The following CLIP4 variants were observed in gnomAD, a reference collection of about 807,000 sequenced individuals.
The protein encoded by CLIP4 is CAP-Gly domain-containing linker protein 4.
CLIP4 carries 47 observed loss-of-function variants against 73.1 expected under a neutral mutation model. That is an observed-to-expected ratio of 0.64 (90% CI 0.51 to 0.82). CLIP4 has a LOEUF of 0.82. Among genes scored for constraint, CLIP4 ranks in the 40% least tolerant of loss-of-function variants. The pLI, the probability that CLIP4 is intolerant of heterozygous loss-of-function variation, is 0.00. For synonymous variants in CLIP4, 306 were observed against 295.4 expected, an observed-to-expected ratio of 1.04 and a Z score of -0.37; for missense variants, 874 against 852.9, an observed-to-expected ratio of 1.02 and a Z score of -0.31.
At chr2:29,136,023 T>C (rs182540434) in intron 6 of CLIP4, among the ~76,000 whole-genome samples, 1 of 152,310 alleles carries the variant, frequency 6.6e-6, no homozygotes, top group Admixed American at 6.5e-5. Flanking sequence ...TTCTAAACTT[T>C]TTTGGAAATT....
chr2:29,116,022 C>A (rs1270293287), intron 1 of CLIP4, among the ~76,000 whole-genome samples: 1 of 152,210 alleles, frequency 6.6e-6, no homozygotes, highest in Non-Finnish European at 1.5e-5. Flanking sequence ...AGTCCCCGCA[C>A]GCGCAGTGGC....
intron 1 of CLIP4, among the ~76,000 whole-genome samples, chr2:29,100,692 A>G (rs1307770528): frequency 1.3e-5 from 2 of 151,716 alleles, no homozygotes; most frequent in African/African-American, 4.8e-5. Flanking sequence ...TGAGGTAGGA[A>G]TGGGATAAGT....
At chr2:29,179,817 T>A (rs1343375091) in intron 15 of CLIP4, among the ~76,000 whole-genome samples, 2 of 152,248 alleles carry the variant, frequency 1.3e-5, no homozygotes, top group Non-Finnish European at 2.9e-5. Context: ...TTATAGGTAT[T>A]ACATGTTTCT....
upstream of CLIP4, among the ~76,000 whole-genome samples, chr2:29,112,584 G>T (rs1027869113): frequency 6.6e-5 from 10 of 152,250 alleles, no homozygotes; most frequent in South Asian, 6.2e-4. Context: ...TTTAGAAACT[G>T]ATCTTGTACT....
chr2:29,136,768 A>G (rs1045265390), intron 6 of CLIP4, among the ~76,000 whole-genome samples: 3 of 152,102 alleles, frequency 2.0e-5, no homozygotes, highest in African/African-American at 7.2e-5. Flanking sequence ...GGAGATGATC[A>G]TTCAGTCCAG....
chr2:29,134,303 G>C (rs1228970891), intron 5 of CLIP4, among the ~76,000 whole-genome samples: 1 of 152,108 alleles, frequency 6.6e-6, no homozygotes, highest in Admixed American at 6.6e-5. Context: ...GAATGTCTAA[G>C]TCACAGTCCT....
At chr2:29,107,368 T>TTTTTTTTTTTTTTTTTTTTTTTG (rs1668248502) in intron 1 of CLIP4, among the ~76,000 whole-genome samples, 1 of 76,582 alleles carries the variant, frequency 1.3e-5, no homozygotes, top group African/African-American at 5.5e-5. Flanking sequence ...GTTTTTTTTT[T>TTTTTTTTTTTTTTTTTTTTTTTG]TTTTTTTTTT....
chr2:29,125,268 A>G (rs1429895050), intron 2 of CLIP4, among the ~76,000 whole-genome samples: 1 of 152,196 alleles, frequency 6.6e-6, no homozygotes, highest in African/African-American at 2.4e-5. Context: ...TGTGTGAATT[A>G]TGAGGATTCT....
At chr2:29,173,932 A>G (rs1277299971) in intron 14 of CLIP4, among the ~76,000 whole-genome samples, 1 of 152,218 alleles carries the variant, frequency 6.6e-6, no homozygotes, top group Non-Finnish European at 1.5e-5. Flanking sequence ...AAAAATAATC[A>G]GCTTTATAAA....
At chr2:29,110,237 C>T (rs78278940) in intron 1 of CLIP4, among the ~76,000 whole-genome samples, 13,647 of 152,138 alleles carry the variant, frequency 0.09, 692 homozygotes, top group Non-Finnish European at 0.098. Flanking sequence ...TCAATGGAGT[C>T]CTCTTCAGTT....
chr2:29,113,556 A>T (rs146418037), upstream of CLIP4, among the ~76,000 whole-genome samples: 1 of 152,324 alleles, frequency 6.6e-6, no homozygotes, highest in Non-Finnish European at 1.5e-5. This position sits in a 1 kb window ranked among gnomAD's most constrained non-coding sequence, Gnocchi z 4.0. Flanking sequence ...AAAGGCAACT[A>T]AGTGAGTGGG....
chr2:29,125,484 T>G (rs996660189), intron 2 of CLIP4, among the ~76,000 whole-genome samples: 1 of 152,108 alleles, frequency 6.6e-6, no homozygotes, highest in South Asian at 2.1e-4. Flanking sequence ...TTCCCCAGAC[T>G]CTTAGCTCTG....
At chr2:29,105,038 A>G (rs1018437183) in intron 1 of CLIP4, among the ~76,000 whole-genome samples, 1 of 152,176 alleles carries the variant, frequency 6.6e-6, no homozygotes, top group Non-Finnish European at 1.5e-5. Flanking sequence ...AAGATTATAT[A>G]TTATTACATT....
chr2:29,133,166 T>A (rs1357094151), intron 4 of CLIP4, among the ~76,000 whole-genome samples: 4 of 152,104 alleles, frequency 2.6e-5, no homozygotes. Flanking sequence ...GCAATCTGGG[T>A]GACAGAGCAA....
At chr2:29,166,610 CTAT>C (rs1391356866) in intron 13 of CLIP4, among the ~76,000 whole-genome samples, 1 of 151,808 alleles carries the variant, frequency 6.6e-6, no homozygotes, top group African/African-American at 2.4e-5. Context: ...TTAGTTCTTA[CTAT>C]TATTAGGCAC....
rs1483875953 is a variant in CLIP4, at chr2:29,163,937, C to T, written c.1641C>T (p.Pro547=). 6.2e-7 allele frequency: 1 copy of T among 1,613,176 alleles called. No homozygotes were observed. Residue 547 remains proline, a synonymous_variant, in exon 13 of 16, where the codon CCC becomes CCT. Transcript: ENST00000320081. The stretch of plus-strand genomic sequence containing the variant: ...CTCCAAGATATGGAATATTTGCTCC[C>T]CCATCCAGGGTGCAAAGGTGAGAGA... ...SCSPRYGIFA[P]PSRVQRVTDS...
intron 7 of CLIP4, among the ~76,000 whole-genome samples, chr2:29,145,007 T>G (rs1029087191): frequency 1.3e-5 from 2 of 151,818 alleles, no homozygotes; most frequent in African/African-American, 4.8e-5. Context: ...ACTCCCTTAT[T>G]ATTATTTAAT....
chr2:29,167,750 C>A, intron 14 of CLIP4: 1 of 404,022 alleles, frequency 2.5e-6, no homozygotes, highest in Non-Finnish European at 4.4e-6. Flanking sequence ...CATCCCATCT[C>A]ATCTGCCTTG....
intron 1 of CLIP4, among the ~76,000 whole-genome samples, chr2:29,116,557 A>T (rs1168108339): frequency 6.6e-6 from 1 of 152,200 alleles, no homozygotes; most frequent in Admixed American, 6.5e-5. Flanking sequence ...ATTTAAAGTG[A>T]GTCGTCTAAA....
Sources: gnomAD v4.1 joint callset for allele counts (sites outside exome capture counted in the v4.1 genomes callset) on GRCh38, gnomAD v4.1.1 for gene constraint, Gnocchi (gnomAD v3.1) non-coding constraint, MANE v1.5 for transcripts, NCBI Gene and HGNC (gene_info 2026-07-23, HGNC 2026-07-21) for gene names.